TMEFF2: variants seen among roughly 807,000 people sequenced by gnomAD.
TMEFF2 encodes tomoregulin-2.
TMEFF2 carries 28 observed loss-of-function variants against 53.8 expected under a neutral mutation model. The observed-to-expected ratio is 0.52, with a 90% confidence interval of 0.39 to 0.71. The LOEUF (loss-of-function observed/expected upper bound fraction) is 0.71. TMEFF2 is among the 30% of genes least tolerant of loss of function. The pLI, the probability that TMEFF2 is intolerant of heterozygous loss-of-function variation, is 0.00. For synonymous variants in TMEFF2, 162 were observed against 166.3 expected (o/e 0.97, Z 0.20); for missense variants, 353 against 455.2 (o/e 0.78, Z 2.04).
intron 4 of TMEFF2, among the ~76,000 whole-genome samples, chr2:192,168,406 G>A (rs931453471): frequency 6.6e-6 from 1 of 151,884 alleles, no homozygotes; most frequent in Non-Finnish European, 1.5e-5. Context: ...TACATTCTCT[G>A]GCCAAAGTCA....
intron 4 of TMEFF2, among the ~76,000 whole-genome samples, chr2:192,115,052 T>C (rs1689369554): frequency 6.6e-6 from 1 of 151,892 alleles, no homozygotes; most frequent in Non-Finnish European, 1.5e-5. Flanking sequence ...CTATCAAAAT[T>C]TGAATGGCAT....
At chr2:192,115,669 A>G (rs1012514346) in intron 4 of TMEFF2, among the ~76,000 whole-genome samples, 5 of 151,994 alleles carry the variant, frequency 3.3e-5, no homozygotes, top group African/African-American at 1.2e-4. Flanking sequence ...AAAAAACTCA[A>G]TCAAAATATG....
intron 5 of TMEFF2, among the ~76,000 whole-genome samples, chr2:192,055,351 CATTA>C (rs1436108449): frequency 6.6e-6 from 1 of 152,086 alleles, no homozygotes; most frequent in Non-Finnish European, 1.5e-5. Flanking sequence ...AATTCTGATT[CATTA>C]ATTTTGGGGC....
chr2:192,017,287 G>C (rs1338784837), intron 5 of TMEFF2, among the ~76,000 whole-genome samples: 1 of 152,162 alleles, frequency 6.6e-6, no homozygotes, highest in Non-Finnish European at 1.5e-5. Flanking sequence ...TGTGGTAGGT[G>C]TATGAACTGC....
intron 4 of TMEFF2, among the ~76,000 whole-genome samples, chr2:192,131,410 C>A (rs73045789): frequency 0.15 from 22,157 of 151,668 alleles, 2,284 homozygotes; most frequent in African/African-American, 0.28. Context: ...GCAAGTCCCG[C>A]TTTTCTGGGG....
intron 4 of TMEFF2, among the ~76,000 whole-genome samples, chr2:192,166,842 C>T (rs565006570): frequency 1.3e-4 from 20 of 152,174 alleles, no homozygotes; most frequent in South Asian, 1.0e-3. Context: ...TTAAAAAACA[C>T]GTTTCAAACA....
chr2:191,988,188 T>C (rs2105822964), intron 7 of TMEFF2, among the ~76,000 whole-genome samples: 1 of 152,324 alleles, frequency 6.6e-6, no homozygotes, highest in African/African-American at 2.4e-5. Context: ...TTTCTACATA[T>C]AGAAGACAAT....
In TMEFF2 at chr2:192,184,347, C is replaced by T. The variant is rs1361730142; in HGVS notation, c.412+7G>A. 1.9e-6 allele frequency: 3 copies of T among 1,612,780 alleles called. No homozygotes were observed. Among genetic ancestry groups the T allele is most frequent in the East Asian group, 2.2e-5 (1 of 44,866 alleles). ...GCAGAAGGTTTCAAAGAAGATCACA[C>T]ACATACCTGTGGCACATGATCCTTC... On this transcript the variant is annotated splice_region_variant and intron_variant, in intron 3 of 9. Coordinates refer to ENST00000272771, the MANE Select transcript of TMEFF2 (RefSeq NM_016192.4).
intron 5 of TMEFF2, among the ~76,000 whole-genome samples, chr2:192,019,059 A>G (rs1279835074): frequency 6.6e-6 from 1 of 152,100 alleles, no homozygotes; most frequent in Non-Finnish European, 1.5e-5. Flanking sequence ...CATTTTGTAC[A>G]TATCTATTAT....
At chr2:191,972,625 T>C (rs1009532061) in intron 7 of TMEFF2, among the ~76,000 whole-genome samples, 1 of 152,046 alleles carries the variant, frequency 6.6e-6, no homozygotes, top group Admixed American at 6.6e-5. Context: ...ACTTGGGTAG[T>C]AGCAATGGAA....
At chr2:192,062,450 A>G (rs1348271220) in intron 4 of TMEFF2, among the ~76,000 whole-genome samples, 4 of 152,124 alleles carry the variant, frequency 2.6e-5, no homozygotes, top group Admixed American at 2.6e-4. Flanking sequence ...ATAATTGGGT[A>G]TTTATGAATA....
At chr2:192,085,098 GA>G (rs1688639819) in intron 4 of TMEFF2, among the ~76,000 whole-genome samples, 2 of 152,268 alleles carry the variant, frequency 1.3e-5, no homozygotes, top group South Asian at 2.1e-4. Flanking sequence ...CGCTTCTTCT[GA>G]AGTGCTTGGA....
chr2:192,004,641 G>T (rs1686454598), intron 5 of TMEFF2, among the ~76,000 whole-genome samples: 1 of 151,920 alleles, frequency 6.6e-6, no homozygotes, highest in African/African-American at 2.4e-5. Flanking sequence ...AATACGTTTT[G>T]AAGATTAAAA....
intron 4 of TMEFF2, among the ~76,000 whole-genome samples, chr2:192,075,333 A>ATATATATATATATATATATG (rs59682180): frequency 9.2e-6 from 1 of 108,258 alleles, no homozygotes; most frequent in East Asian, 2.5e-4. Flanking sequence ...ATATATATAT[A>ATATATATATATATATATATG]CATACATACT....
At chr2:192,007,867 G>C (rs1351363054) in intron 5 of TMEFF2, among the ~76,000 whole-genome samples, 1 of 152,160 alleles carries the variant, frequency 6.6e-6, no homozygotes, top group Non-Finnish European at 1.5e-5. Context: ...ATTAGGGTTT[G>C]GTGGCTCGCT....
At chr2:192,159,191 T>A (rs1690576878) in intron 4 of TMEFF2, among the ~76,000 whole-genome samples, 1 of 152,138 alleles carries the variant, frequency 6.6e-6, no homozygotes, top group Non-Finnish European at 1.5e-5. Flanking sequence ...ATGCAGATTG[T>A]TTTATGCTAC....
chr2:192,134,266 C>T (rs1309914093), intron 4 of TMEFF2, among the ~76,000 whole-genome samples: 2 of 152,192 alleles, frequency 1.3e-5, no homozygotes, highest in Admixed American at 6.5e-5. Flanking sequence ...GACTTCAATA[C>T]AGCCTCCCAC....
chr2:192,104,383 A>T (rs569861426), intron 4 of TMEFF2, among the ~76,000 whole-genome samples: 1 of 152,268 alleles, frequency 6.6e-6, no homozygotes, highest in African/African-American at 2.4e-5. Flanking sequence ...TTGAGTGAAT[A>T]CATAACCTAT....
chr2:191,993,157 A>T (rs544300488), intron 7 of TMEFF2, among the ~76,000 whole-genome samples: 29 of 152,232 alleles, frequency 1.9e-4, no homozygotes, highest in African/African-American at 7.0e-4. Context: ...AATGGCTTCT[A>T]CAGAGAACAA....
Sources: gnomAD v4.1 joint callset for allele counts (sites outside exome capture counted in the v4.1 genomes callset) on GRCh38, gnomAD v4.1.1 for gene constraint, MANE v1.5 for transcripts, NCBI Gene and HGNC (gene_info 2026-07-23, HGNC 2026-07-21) for gene names.